Variants in DNM3 observed in about 807,000 individuals in gnomAD.
DNM3 encodes the protein dynamin 3, also known as dynamin-3.
DNM3 carries 47 observed loss-of-function variants against 101.6 expected under a neutral mutation model. The ratio of observed to expected loss-of-function variants is 0.46; its 90% confidence interval spans 0.37 to 0.59. The LOEUF is 0.59. Among genes scored for constraint, DNM3 ranks in the 20% least tolerant of loss-of-function variants. The pLI, the probability that DNM3 is intolerant of heterozygous loss-of-function variation, is 0.00. For missense variants in DNM3, 849 were observed against 1,085.7 expected, an observed-to-expected ratio of 0.78 and a Z score of 3.06; for synonymous variants, 385 against 387.9, an observed-to-expected ratio of 0.99 and a Z score of 0.09.
At chr1:172,329,419 A>G (rs973843768) in intron 17 of DNM3, among the ~76,000 whole-genome samples, 9 of 152,156 alleles carry the variant, frequency 5.9e-5, no homozygotes, top group Non-Finnish European at 1.2e-4. Context: ...ATATAATAAT[A>G]GTGAAAACAC....
intron 18 of DNM3, among the ~76,000 whole-genome samples, chr1:172,385,392 G>A (rs1410181168): frequency 2.6e-5 from 4 of 152,088 alleles, no homozygotes; most frequent in Non-Finnish European, 4.4e-5. Context: ...ACTTTTCCTT[G>A]GCATTCAAGG....
intron 13 of DNM3, among the ~76,000 whole-genome samples, chr1:172,103,947 G>T (rs1180453494): frequency 6.6e-6 from 1 of 152,192 alleles, no homozygotes; most frequent in Non-Finnish European, 1.5e-5. Context: ...GTTGCAGTGA[G>T]CCCAGATCGT....
chr1:172,401,435 C>T (rs888309663), intron 20 of DNM3, among the ~76,000 whole-genome samples: 1 of 152,140 alleles, frequency 6.6e-6, no homozygotes, highest in African/African-American at 2.4e-5. Flanking sequence ...GATTATATTA[C>T]CATTTATGTC....
At chr1:172,017,010 T>C (rs1481234050) in intron 4 of DNM3, among the ~76,000 whole-genome samples, 1 of 152,154 alleles carries the variant, frequency 6.6e-6, no homozygotes, top group Non-Finnish European at 1.5e-5. Context: ...GTATTTAGGT[T>C]TTCAAATTTA....
At chr1:172,155,903 T>G (rs2058319642) in intron 14 of DNM3, among the ~76,000 whole-genome samples, 1 of 152,086 alleles carries the variant, frequency 6.6e-6, no homozygotes, top group Non-Finnish European at 1.5e-5. Context: ...AACCATTGGT[T>G]GTTGTTAGGC....
At chr1:171,931,631 GA>G (rs1195906621) in intron 2 of DNM3, among the ~76,000 whole-genome samples, 1 of 152,118 alleles carries the variant, frequency 6.6e-6, no homozygotes. Flanking sequence ...CATGTATGCA[GA>G]AACAATTTTT....
At chr1:172,183,086 C>T (rs976690951) in intron 14 of DNM3, among the ~76,000 whole-genome samples, 12 of 151,984 alleles carry the variant, frequency 7.9e-5, no homozygotes, top group African/African-American at 2.2e-4. Flanking sequence ...CTGTCCCAGA[C>T]GCCAAAAGTT....
intron 1 of DNM3, among the ~76,000 whole-genome samples, chr1:171,896,084 C>G (rs926844985): frequency 3.9e-5 from 6 of 152,186 alleles, no homozygotes; most frequent in Admixed American, 1.3e-4. Flanking sequence ...ATGCCTCCAA[C>G]TTTGTTCTTT....
Position 172,411,105 on chromosome 1 carries a change from T to C in DNM3, c.*3264T>C, listed in dbSNP as rs2071178970. 3.1e-6 allele frequency: 3 copies of C among 983,388 alleles called. No homozygotes were observed. Among genetic ancestry groups the C allele is most frequent in the Non-Finnish European group, 3.6e-6 (3 of 828,094 alleles). The allele number at this position is 983,388 out of a possible 1,614,324, so 60.9% of individuals were successfully genotyped here. A position where few individuals can be genotyped will look rare whatever the true frequency, so the allele number is the denominator to read the frequency against. ...GTGTGTATATATATAAATATATGTATATGTATGGTTGTAAATATCTATGTA... is the reference window on the plus strand; with the variant it reads ...GTGTGTATATATATAAATATATGTACATGTATGGTTGTAAATATCTATGTA... On this transcript the variant is annotated 3_prime_UTR_variant, in exon 21 of 21. Transcript: ENST00000627582.
At position 172,412,375 on chromosome 1, in the gene DNM3, T is replaced by G. The variant is rs1573798133; in HGVS notation, c.*4534T>G. ...GTAATTCCACCAGTACTACTTGATT[T>G]GTGTTATATTTCCTATGTACATGTA... On this transcript the variant is annotated 3_prime_UTR_variant, in exon 21 of 21. Transcript: ENST00000627582. 2.0e-6 allele frequency: 2 copies of G among 985,716 alleles called. No homozygotes were observed. The highest frequency in any genetic ancestry group is 1.2e-4 in the Admixed American group (2 of 16,274). 61.1% of individuals were successfully genotyped at this position (985,716 alleles called of 1,614,324 possible). A position where few individuals can be genotyped will look rare whatever the true frequency, so the allele number is the denominator to read the frequency against.
Position 171,845,436 on chromosome 1 carries a change from C to T in DNM3, c.161+3619C>T, listed in dbSNP as rs139792453. ...GGTATGGTGGAGCATGCCTGTAGTG[C>T]CAACTACTTGGGAGGCTGAGGTAGG... On this transcript the variant is annotated intron_variant, in intron 1 of 20. Transcript: ENST00000627582. 1.3e-4 allele frequency among the ~76,000 whole-genome samples: 20 copies of T among 152,274 alleles called. No homozygotes were observed. In the East Asian group the frequency reaches 3.9e-3, roughly 29 times the overall value.
intron 20 of DNM3, among the ~76,000 whole-genome samples, chr1:172,407,237 C>T (rs1224481128): frequency 6.6e-6 from 1 of 151,958 alleles, no homozygotes; most frequent in African/African-American, 2.4e-5. Flanking sequence ...AGCCTATTTA[C>T]ACTTGCTACA....
chr1:172,126,867 C>T (rs1328694260), intron 13 of DNM3, among the ~76,000 whole-genome samples: 2 of 152,026 alleles, frequency 1.3e-5, no homozygotes, highest in Non-Finnish European at 1.5e-5. Flanking sequence ...CCTTCAACAT[C>T]GTTACACTTC....
At chr1:171,895,301 G>T (rs1434524137) in intron 1 of DNM3, among the ~76,000 whole-genome samples, 5 of 152,170 alleles carry the variant, frequency 3.3e-5, no homozygotes, top group Non-Finnish European at 7.3e-5. Flanking sequence ...AGCATCTGTT[G>T]TTTCCTGACT....
At chr1:172,224,300 T>C (rs1414254886) in intron 14 of DNM3, among the ~76,000 whole-genome samples, 1 of 152,204 alleles carries the variant, frequency 6.6e-6, no homozygotes, top group East Asian at 1.9e-4. Context: ...CATTTTAATT[T>C]TATTTGAATA....
At chr1:172,337,214 G>A (rs1481712498) in intron 17 of DNM3, among the ~76,000 whole-genome samples, 1 of 152,154 alleles carries the variant, frequency 6.6e-6, no homozygotes, top group Admixed American at 6.5e-5. Context: ...CTATTGCTGA[G>A]TTATTTATGG....
chr1:171,877,310 TAAATG>T (rs1403838517), intron 1 of DNM3, among the ~76,000 whole-genome samples: 3 of 152,236 alleles, frequency 2.0e-5, no homozygotes, highest in African/African-American at 7.2e-5. Flanking sequence ...AACATATTCT[TAAATG>T]AAATGATTTT....
chr1:172,045,070 C>T lies in DNM3; in HGVS notation c.1196+618C>T, dbSNP rs150855208. On this transcript the variant is annotated intron_variant, in intron 9 of 20. Transcript: ENST00000627582. ...GGATGACCAAAGGCAAAGAGGTGAG[C>T]GGGCACAGTATATATCCATGGAGCC... Among the ~76,000 whole-genome samples the T allele has an allele frequency of 6.2e-3, 929 of 149,616 alleles. 9 individuals are homozygous for T. Among genetic ancestry groups the T allele is most frequent in the African/African-American group, 0.021 (878 of 40,838 alleles).
intron 14 of DNM3, among the ~76,000 whole-genome samples, chr1:172,182,795 A>T (rs1211805341): frequency 6.6e-6 from 1 of 152,060 alleles, no homozygotes; most frequent in East Asian, 1.9e-4. Flanking sequence ...TTGAATACCC[A>T]ATCTTTTATA....
Sources: gnomAD v4.1 joint callset for allele counts (sites outside exome capture counted in the v4.1 genomes callset) on GRCh38, gnomAD v4.1.1 for gene constraint, MANE v1.5 for transcripts, NCBI Gene and HGNC (gene_info 2026-07-23, HGNC 2026-07-21) for gene names.